MRPS21: variants seen among roughly 807,000 people sequenced by gnomAD.
The protein encoded by MRPS21 is small ribosomal subunit protein bS21m.
MRPS21 carries 8 observed loss-of-function variants against 9.9 expected under a neutral mutation model. The ratio of observed to expected loss-of-function variants is 0.81; its 90% CI spans 0.47 to 1.45. The LOEUF (loss-of-function observed/expected upper bound fraction) is 1.45. Ranked by LOEUF, MRPS21 falls within the 40% of genes most tolerant of loss-of-function variation. The probability of loss-of-function intolerance (pLI) is 0.00; values close to 1 mark genes in which losing one functional copy is unlikely to be tolerated. For missense variants in MRPS21, 101 were observed against 118.9 expected, an observed-to-expected ratio of 0.85 and a Z score of 0.70; for synonymous variants, 40 against 40.3, an observed-to-expected ratio of 0.99 and a Z score of 0.03.
chr1:150,294,634 C>CA (rs1294761046), intron 2 of MRPS21, among the ~76,000 whole-genome samples, 185 bp downstream of exon 2: 1 of 151,962 alleles, frequency 6.6e-6, no homozygotes, highest in African/African-American at 2.4e-5. Context: ...CGCGGTGGCT[C>CA]ACGCCTGTAA....
At chr1:150,297,610 G>A (rs1039155622) in intron 2 of MRPS21, among the ~76,000 whole-genome samples, 3 of 151,868 alleles carry the variant, frequency 2.0e-5, no homozygotes, top group African/African-American at 7.3e-5. Context: ...AATAGAGGCT[G>A]CAGTGAGCCA....
rs782047036 is a variant in MRPS21, at chr1:150,307,918, T to C, written c.84-130T>C. On this transcript the variant is annotated intron_variant, in intron 2 of 2. Coordinates refer to ENST00000614145, the MANE Select transcript of MRPS21 (RefSeq NM_031901.6). ...GCCTTTGTAAGTAGGCAGTTAATGC[T>C]CTATTGCCACCATTTCCCACTGTAT... 331 of 904,530 alleles carry C rather than the reference T, an allele frequency of 3.7e-4. 1 individual carries two copies. Among genetic ancestry groups the C allele is most frequent in the Non-Finnish European group, 5.2e-4 (323 of 625,952 alleles). The allele number at this position is 904,530 out of a possible 1,614,324, so 56.0% of individuals were successfully genotyped here.
At chr1:150,301,046 C>A (rs1010533243) in intron 2 of MRPS21, among the ~76,000 whole-genome samples, 28 of 148,752 alleles carry the variant, frequency 1.9e-4, no homozygotes, top group African/African-American at 6.7e-4. Context: ...AAAAAAAATA[C>A]AAAAATTGGC....
intron 2 of MRPS21, among the ~76,000 whole-genome samples, chr1:150,298,366 C>T (rs7511649): frequency 0.84 from 127,746 of 152,200 alleles, 53,974 homozygotes; most frequent in African/African-American, 0.95. Context: ...TGTAAATCTT[C>T]TTCTGTATGA....
chr1:150,304,307 C>G, intron 2 of MRPS21: 1 of 182,104 alleles, frequency 5.5e-6, no homozygotes, highest in Non-Finnish European at 1.1e-5. Flanking sequence ...CGAGGCCCTG[C>G]CTACAAAAAA....
At chr1:150,306,835 C>T (rs1195833080) in intron 2 of MRPS21, among the ~76,000 whole-genome samples, 1 of 152,038 alleles carries the variant, frequency 6.6e-6, no homozygotes, top group Non-Finnish European at 1.5e-5. Flanking sequence ...AGAATCACCC[C>T]TAGTGATTCT....
At chr1:150,308,013 C>T (rs782715578) in intron 2 of MRPS21, 35 bp from the exon 3 acceptor site, 1 of 1,495,936 alleles carries the variant, frequency 6.7e-7, no homozygotes, top group South Asian at 1.3e-5. Context: ...AATGATGATC[C>T]CAAATGTCTA....
rs1047360156 is a variant in MRPS21, at chr1:150,308,315, A to G, written c.*87A>G. 5.9e-6 allele frequency: 8 copies of G among 1,344,966 alleles called. No individual in the cohort carries two copies. The highest frequency in any genetic ancestry group is 2.2e-4 in the Middle Eastern group (1 of 4,572). 83.3% of individuals were successfully genotyped at this position (1,344,966 alleles called of 1,614,324 possible). A position where few individuals can be genotyped will look rare whatever the true frequency, so the allele number is the denominator to read the frequency against. ...TTGTACAATCCCATTTCCTATTACCATTCTCTGCAATAAACTCAAATCACA... is the reference window on the plus strand; with the variant it reads ...TTGTACAATCCCATTTCCTATTACCGTTCTCTGCAATAAACTCAAATCACA... On this transcript the variant is annotated 3_prime_UTR_variant, in exon 3 of 3. Transcript: ENST00000614145.
intron 2 of MRPS21, among the ~76,000 whole-genome samples, chr1:150,303,614 T>C (rs1553857994): frequency 6.6e-6 from 1 of 152,220 alleles, no homozygotes. Context: ...ATTCTGTTTA[T>C]AGTTCCATTT....
chr1:150,302,529 G>A (rs1269892108), intron 2 of MRPS21, among the ~76,000 whole-genome samples: 1 of 152,146 alleles, frequency 6.6e-6, no homozygotes, highest in Non-Finnish European at 1.5e-5. Context: ...TGACATGTGA[G>A]TCTGCCACCC....
At chr1:150,300,199 C>T (rs1366032417) in intron 2 of MRPS21, among the ~76,000 whole-genome samples, 2 of 151,912 alleles carry the variant, frequency 1.3e-5, no homozygotes, top group African/African-American at 2.4e-5. Context: ...AAAAATTAGC[C>T]GGGTATGATG....
At chr1:150,303,219 A>G (rs1209946554) in intron 2 of MRPS21, among the ~76,000 whole-genome samples, 2 of 152,104 alleles carry the variant, frequency 1.3e-5, no homozygotes, top group Admixed American at 6.6e-5. Context: ...TTCCTAGGTC[A>G]TATTTACTCA....
At chr1:150,297,990 A>G (rs1459605101) in intron 2 of MRPS21, among the ~76,000 whole-genome samples, 6 of 151,820 alleles carry the variant, frequency 4.0e-5, no homozygotes, top group South Asian at 4.2e-4. Flanking sequence ...CTGGAGTGCA[A>G]TGGTGCCATC....
intron 2 of MRPS21, chr1:150,304,150 A>C (rs1553858105): frequency 5.0e-6 from 2 of 403,978 alleles, no homozygotes; most frequent in Non-Finnish European, 1.0e-5. Context: ...GTCTCTACTA[A>C]AAATGCAAAA....
chr1:150,296,998 A>G (rs1299631485), intron 2 of MRPS21, among the ~76,000 whole-genome samples: 1 of 152,220 alleles, frequency 6.6e-6, no homozygotes, highest in Non-Finnish European at 1.5e-5. Context: ...CAGTGAGGAA[A>G]AAAATGCTGT....
chr1:150,299,359 G>A (rs1654027482), intron 2 of MRPS21, among the ~76,000 whole-genome samples: 1 of 151,086 alleles, frequency 6.6e-6, no homozygotes, highest in Admixed American at 6.6e-5. Context: ...CTTTTTATCT[G>A]CCTCTTTTAA....
intron 2 of MRPS21, among the ~76,000 whole-genome samples, chr1:150,303,552 T>G (rs1553857991): frequency 6.6e-6 from 1 of 152,176 alleles, no homozygotes; most frequent in African/African-American, 2.4e-5. Context: ...AAATGGGTGG[T>G]TTTTGTTTGA....
rs193253788 is a variant in MRPS21 at position 150,298,683 on chromosome 1, C to T, written c.83+4234C>T. On this transcript the variant is annotated intron_variant, in intron 2 of 2. Coordinates refer to ENST00000614145, the MANE Select transcript of MRPS21 (RefSeq NM_031901.6). ...GTGGCGCAATCTCTGCTCACTGTGACCTCCGCCTCCCGAGTTCAAGCGATT... is the reference window on the plus strand; with the variant it reads ...GTGGCGCAATCTCTGCTCACTGTGATCTCCGCCTCCCGAGTTCAAGCGATT... 2.8e-4 allele frequency among the ~76,000 whole-genome samples: 43 copies of T among 152,282 alleles called. No homozygotes were observed. In the East Asian group the frequency reaches 7.9e-3, roughly 28 times the overall value.
chr1:150,307,017 G>A (rs1350878138), intron 2 of MRPS21, among the ~76,000 whole-genome samples: 3 of 150,034 alleles, frequency 2.0e-5, no homozygotes, highest in East Asian at 4.0e-4. Context: ...CAAGAGCAAG[G>A]GCCATGTAAT....
Sources: gnomAD v4.1 joint callset for allele counts (sites outside exome capture counted in the v4.1 genomes callset) on GRCh38, gnomAD v4.1.1 for gene constraint, MANE v1.5 for transcripts, NCBI Gene and HGNC (gene_info 2026-07-23, HGNC 2026-07-21) for gene names.